ARHGAP15: variants seen among roughly 807,000 people sequenced by gnomAD.
The protein encoded by ARHGAP15 is Rho GTPase activating protein 15, also known as rho GTPase-activating protein 15.
In ARHGAP15, 51 loss-of-function variants were observed where a neutral mutation model predicts 63.7. The ratio of observed to expected loss-of-function variants is 0.80; its 90% CI spans 0.64 to 1.01. ARHGAP15 has a LOEUF of 1.01. ARHGAP15 is among the 50% of genes least tolerant of loss of function. ARHGAP15 has a pLI of 0.00. For missense variants in ARHGAP15, 560 were observed against 564.6 expected, an observed-to-expected ratio of 0.99 and a Z score of 0.08; for synonymous variants, 191 against 193.8, an observed-to-expected ratio of 0.99 and a Z score of 0.12.
intron 12 of ARHGAP15, among the ~76,000 whole-genome samples, chr2:143,688,499 G>A (rs1683451518): frequency 6.6e-6 from 1 of 152,150 alleles, no homozygotes; most frequent in Non-Finnish European, 1.5e-5. Context: ...AAGCCAGAGA[G>A]AAGTAATCCA....
intron 13 of ARHGAP15, among the ~76,000 whole-genome samples, chr2:143,733,663 T>C (rs1685634532): frequency 6.6e-6 from 1 of 152,230 alleles, no homozygotes; most frequent in South Asian, 2.1e-4. Flanking sequence ...ACATTTTCAG[T>C]CAGAAGCTAT....
chr2:143,621,583 A>G (rs947056481), intron 11 of ARHGAP15, among the ~76,000 whole-genome samples: 2 of 152,222 alleles, frequency 1.3e-5, no homozygotes, highest in African/African-American at 2.4e-5. Flanking sequence ...ACTATTTGCC[A>G]TATTGCCTAT....
rs1212392254 is a variant in ARHGAP15, at chr2:143,274,520, G to T, written c.474+23920G>T. Reference sequence around the variant, plus strand: ...CTGAAATGTTCAATGGTGCCTGGCTGTTCCACACAAGCCACTTTTAAACCA... The same window carrying T: ...CTGAAATGTTCAATGGTGCCTGGCTTTTCCACACAAGCCACTTTTAAACCA... On this transcript the variant is annotated intron_variant, in intron 6 of 13. Coordinates refer to ENST00000295095, the MANE Select transcript of ARHGAP15 (RefSeq NM_018460.4). Among the ~76,000 whole-genome samples the T allele has an allele frequency of 2.6e-5, 4 of 152,280 alleles. No individual in the cohort carries two copies. In the South Asian group the frequency reaches 6.2e-4, roughly 24 times the overall value.
chr2:143,581,396 C>T lies in ARHGAP15; in HGVS notation c.1003+24911C>T, dbSNP rs1015004154. On this transcript the variant is annotated intron_variant, in intron 11 of 13. Transcript: ENST00000295095. ...TCCACCCCACAGCCCCATAGCCCCA[C>T]AGCCCCACACCCACCTACAAATCTC... Among the ~76,000 whole-genome samples the T allele has an allele frequency of 2.0e-5, 3 of 152,176 alleles. No homozygotes were observed. In the East Asian group the frequency reaches 5.8e-4, roughly 29 times the overall value.
intron 11 of ARHGAP15, among the ~76,000 whole-genome samples, chr2:143,614,147 G>A (rs1219695325): frequency 6.6e-6 from 1 of 152,022 alleles, no homozygotes; most frequent in Admixed American, 6.6e-5. Context: ...TCACTCACCT[G>A]ACTGCTCATC....
At chr2:143,228,181 A>C (rs1693292059) in intron 4 of ARHGAP15, 1 of 153,154 alleles carries the variant, frequency 6.5e-6, no homozygotes. Flanking sequence ...ACTGAAATAC[A>C]CTAAACCAAT....
intron 13 of ARHGAP15, among the ~76,000 whole-genome samples, chr2:143,734,537 T>C (rs764075870): frequency 5.9e-5 from 9 of 152,200 alleles, no homozygotes; most frequent in Non-Finnish European, 7.3e-5. Flanking sequence ...AATACATCTA[T>C]AGCCACTGCA....
At chr2:143,131,327 T>G (rs1274044289) in intron 1 of ARHGAP15, among the ~76,000 whole-genome samples, 1 of 152,174 alleles carries the variant, frequency 6.6e-6, no homozygotes, top group African/African-American at 2.4e-5. Flanking sequence ...ACTTTATATG[T>G]TTTAAGTGGA....
chr2:143,298,259 C>T (rs1002769437), intron 6 of ARHGAP15, among the ~76,000 whole-genome samples: 7 of 151,786 alleles, frequency 4.6e-5, no homozygotes, highest in African/African-American at 1.7e-4. Flanking sequence ...CTATGAATTC[C>T]CATGTGGAAA....
chr2:143,743,460 C>A (rs1389382031), intron 13 of ARHGAP15, among the ~76,000 whole-genome samples: 1 of 152,056 alleles, frequency 6.6e-6, no homozygotes. Flanking sequence ...TTGACTTGGA[C>A]AGTCTCCATG....
chr2:143,387,429 TA>T (rs1177946296), intron 6 of ARHGAP15, among the ~76,000 whole-genome samples: 1 of 152,150 alleles, frequency 6.6e-6, no homozygotes, highest in Non-Finnish European at 1.5e-5. Context: ...TTTAAAAAAA[TA>T]AAGATTAGCT....
At chr2:143,487,826 G>A (rs936566609) in intron 9 of ARHGAP15, among the ~76,000 whole-genome samples, 1 of 152,062 alleles carries the variant, frequency 6.6e-6, no homozygotes, top group African/African-American at 2.4e-5. Context: ...GTTCACAGCT[G>A]GGTTTTAGTA....
chr2:143,144,517 T>A (rs1689499532), intron 1 of ARHGAP15, among the ~76,000 whole-genome samples: 1 of 152,076 alleles, frequency 6.6e-6, no homozygotes. Flanking sequence ...TAGACCCAGA[T>A]TGCCTAGGAG....
At chr2:143,202,001 A>G (rs753946168) in intron 2 of ARHGAP15, 133 bp from the exon 3 acceptor site, 10 of 740,526 alleles carry the variant, frequency 1.4e-5, no homozygotes, top group Non-Finnish European at 2.1e-5. Flanking sequence ...AATGTCCAAA[A>G]CATTTACTTC....
In ARHGAP15 at chr2:143,202,922, A is replaced by G. The variant is rs924368497; in HGVS notation, c.234+720A>G. ...ATAACATGAATGAATAAAGTATTAT[A>G]TATATCTTAAAAACACGTAAGACCA... On this transcript the variant is annotated intron_variant, in intron 3 of 13. Transcript: ENST00000295095. Among the ~76,000 whole-genome samples, 14 of 152,120 alleles carry G rather than the reference A, an allele frequency of 9.2e-5. 1 individual carries two copies. Among genetic ancestry groups the G allele is most frequent in the Non-Finnish European group, 1.8e-4 (12 of 68,012 alleles).
intron 2 of ARHGAP15, among the ~76,000 whole-genome samples, chr2:143,172,702 C>A (rs568667221): frequency 3.3e-5 from 5 of 152,112 alleles, no homozygotes; most frequent in African/African-American, 4.8e-5. Flanking sequence ...CAGGAAGAAC[C>A]AAATATCACA....
intron 11 of ARHGAP15, among the ~76,000 whole-genome samples, chr2:143,574,956 A>G (rs942544438): frequency 2.0e-5 from 3 of 152,150 alleles, no homozygotes; most frequent in Non-Finnish European, 4.4e-5. Context: ...CTAAATCTCT[A>G]AACTTCTCAC....
intron 12 of ARHGAP15, among the ~76,000 whole-genome samples, chr2:143,645,808 C>T (rs1680843561): frequency 6.6e-6 from 1 of 152,046 alleles, no homozygotes; most frequent in South Asian, 2.1e-4. Flanking sequence ...ACCTTGCAAA[C>T]ACAAGCTTTT....
chr2:143,648,476 C>T (rs1488458325), intron 12 of ARHGAP15, among the ~76,000 whole-genome samples: 5 of 151,946 alleles, frequency 3.3e-5, no homozygotes, highest in South Asian at 2.1e-4. Context: ...TCTTCTCATT[C>T]GTGAACTCAA....
Sources: allele counts gnomAD v4.1 joint callset (sites outside exome capture counted in the v4.1 genomes callset), GRCh38; gene constraint gnomAD v4.1.1; transcripts MANE v1.5; gene names NCBI Gene and HGNC (gene_info 2026-07-23, HGNC 2026-07-21).